The following ARHGAP10 variants were observed in gnomAD, a reference collection of about 807,000 sequenced individuals.
ARHGAP10 encodes the protein Rho GTPase activating protein 10.
A neutral mutation model predicts 108.6 loss-of-function variants in ARHGAP10; 87 were observed. The observed-to-expected ratio is 0.80, with a 90% CI of 0.67 to 0.96. The LOEUF is 0.96. ARHGAP10 is among the 40% of genes least tolerant of loss of function. The probability of loss-of-function intolerance (pLI) is 0.00; values close to 1 mark genes in which losing one functional copy is unlikely to be tolerated. For missense variants in ARHGAP10, 939 were observed against 954.5 expected (o/e 0.98, Z 0.21); for synonymous variants, 347 against 341.1 (o/e 1.02, Z -0.19).
Position 147,912,544 on chromosome 4 carries a change from AACAAATATATATATAT to A in ARHGAP10, c.1163-528_1163-513del, listed in dbSNP as rs1388528627. Reference sequence around the variant, plus strand: ...AACAAAAACAAAAAACAAACAAACAAACAAATATATATATATATATATATATATATATATATATATA... The same window carrying A: ...AACAAAAACAAAAAACAAACAAACAAATATATATATATATATATATATATA... On this transcript the variant is annotated intron_variant, in intron 12 of 22. Transcript: ENST00000336498. Among the ~76,000 whole-genome samples, 333 of 108,596 alleles carry A rather than the reference AACAAATATATATATAT, an allele frequency of 3.1e-3. 1 individual carries two copies. Among genetic ancestry groups the A allele is most frequent in the African/African-American group, 7.3e-3 (197 of 27,038 alleles). The allele number at this position is 108,596 out of a possible 152,430, so 71.2% of individuals were successfully genotyped here. A position where few individuals can be genotyped will look rare whatever the true frequency, so the allele number is the denominator to read the frequency against.
chr4:147,963,926 A>AT (rs566101425), intron 16 of ARHGAP10, among the ~76,000 whole-genome samples: 57 of 152,328 alleles, frequency 3.7e-4, no homozygotes, highest in African/African-American at 1.3e-3. Context: ...GATGCCAGTC[A>AT]TATTGGATGA....
Position 147,737,772 on chromosome 4 carries a change from G to A in ARHGAP10, c.154+5317G>A, listed in dbSNP as rs546453274. Among the ~76,000 whole-genome samples the A allele has an allele frequency of 2.6e-5, 4 of 152,256 alleles. No homozygotes were observed. The South Asian group carries it at 8.3e-4, about 32-fold the overall frequency. On this transcript the variant is annotated intron_variant, in intron 1 of 22. Coordinates refer to ENST00000336498, the MANE Select transcript of ARHGAP10 (RefSeq NM_024605.4). ...TACAATCAGACTTGAGCCAGGGTGG[G>A]GACCCAGACAGGCTTGAAAAGCTTG...
At chr4:147,798,760 T>C (rs1256162861) in intron 1 of ARHGAP10, among the ~76,000 whole-genome samples, 7 of 9,696 alleles carry the variant, frequency 7.2e-4, no homozygotes, top group Admixed American at 2.4e-3. Context: ...TCTCTCTCTC[T>C]CTCTCTCTCT....
chr4:147,803,111 C>T (rs563378325), intron 1 of ARHGAP10, among the ~76,000 whole-genome samples: 13 of 152,042 alleles, frequency 8.6e-5, no homozygotes, highest in South Asian at 6.2e-4. Flanking sequence ...TGGGTTCAAG[C>T]GATGCTCATG....
At chr4:147,762,014 T>C (rs1192899028) in intron 1 of ARHGAP10, among the ~76,000 whole-genome samples, 1 of 152,188 alleles carries the variant, frequency 6.6e-6, no homozygotes, top group Non-Finnish European at 1.5e-5. Context: ...TCTTTTTTTA[T>C]TTTTATTTTT....
intron 19 of ARHGAP10, among the ~76,000 whole-genome samples, chr4:148,038,480 A>T (rs554073794): frequency 8.3e-4 from 126 of 152,238 alleles, no homozygotes; most frequent in South Asian, 1.7e-3. Context: ...TGCCACTGTG[A>T]CTTTTACCCA....
rs1364033082 is a variant in ARHGAP10, at chr4:147,784,946, CAT to C, written c.155-37780_155-37779del. Among the ~76,000 whole-genome samples the C allele has an allele frequency of 7.0e-3, 829 of 118,762 alleles. 12 individuals carry two copies. Among genetic ancestry groups the C allele is most frequent in the African/African-American group, 0.025 (757 of 30,038 alleles). 77.9% of individuals were successfully genotyped at this position (118,762 alleles called of 152,430 possible). A position where few individuals can be genotyped will look rare whatever the true frequency, so the allele number is the denominator to read the frequency against. ...AAAATATATGTTATAAAATATAAAA[CAT>C]GTTATAAAATATATTATGAAATATG... On this transcript the variant is annotated intron_variant, in intron 1 of 22. Transcript: ENST00000336498.
At chr4:148,057,479 T>C (rs1453362944) in intron 20 of ARHGAP10, among the ~76,000 whole-genome samples, 2 of 152,232 alleles carry the variant, frequency 1.3e-5, no homozygotes, top group Non-Finnish European at 2.9e-5. Context: ...TCTGAGATGG[T>C]CTTCTCATAT....
At chr4:147,769,782 A>G (rs1327860139) in intron 1 of ARHGAP10, among the ~76,000 whole-genome samples, 3 of 152,166 alleles carry the variant, frequency 2.0e-5, no homozygotes, top group East Asian at 3.8e-4. Flanking sequence ...ATAGGATACT[A>G]TCATGGAACC....
chr4:147,919,100 T>G (rs967172098), intron 13 of ARHGAP10, among the ~76,000 whole-genome samples: 2 of 152,242 alleles, frequency 1.3e-5, no homozygotes, highest in Non-Finnish European at 2.9e-5. Flanking sequence ...ACGTTTTTAT[T>G]AAAAACTTTA....
At chr4:147,961,345 T>G (rs1310808977) in intron 16 of ARHGAP10, among the ~76,000 whole-genome samples, 1 of 152,238 alleles carries the variant, frequency 6.6e-6, no homozygotes, top group Non-Finnish European at 1.5e-5. Context: ...AAATATTTTG[T>G]GAAATTCCTG....
At position 147,939,702 on chromosome 4, in the gene ARHGAP10, T is replaced by G. The variant is rs1738096745; in HGVS notation, c.1229-123T>G. The stretch of plus-strand genomic sequence containing the variant: ...GTTAAACACTTGATTTTTTCAAAGG[T>G]TATTTTTATAGTTAACAGGAATGCT... On this transcript the variant is annotated intron_variant, in intron 13 of 22. Transcript: ENST00000336498. 3 of 857,056 alleles carry G rather than the reference T, an allele frequency of 3.5e-6. No individual in the cohort carries two copies. In the Admixed American group the frequency reaches 6.1e-5, roughly 17 times the overall value. 53.1% of individuals were successfully genotyped at this position (857,056 alleles called of 1,614,324 possible). A position where few individuals can be genotyped will look rare whatever the true frequency, so the allele number is the denominator to read the frequency against.
At chr4:147,777,352 G>A (rs13136858) in intron 1 of ARHGAP10, among the ~76,000 whole-genome samples, 114,003 of 151,204 alleles carry the variant, frequency 0.75, 48,802 homozygotes, top group Non-Finnish European at 0.94. Flanking sequence ...TCCACCTCCC[G>A]GGTTCACGCC....
At chr4:148,053,025 G>A (rs1429555121) in intron 20 of ARHGAP10, among the ~76,000 whole-genome samples, 1 of 152,150 alleles carries the variant, frequency 6.6e-6, no homozygotes, top group Non-Finnish European at 1.5e-5. Flanking sequence ...GGAGCATTTA[G>A]TATTATGGGC....
Position 148,023,284 on chromosome 4 carries a change from A to ACTACATTCCCTGAGCCCACCTGC in ARHGAP10, c.1741_1763dup (p.Ser589HisfsTer67), listed in dbSNP as rs1560879679. On this transcript the variant is annotated frameshift_variant, in exon 19 of 23. Transcript: ENST00000336498. LOFTEE classifies it high-confidence loss of function. The stretch of plus-strand genomic sequence containing the variant: ...GAAGATTTTTCGGACGCCGCCCGAT[A>ACTACATTCCCTGAGCCCACCTGC]CTACATTCCCTGAGCCCACCTGCCT... 1 of 1,614,086 alleles carries ACTACATTCCCTGAGCCCACCTGC rather than the reference A, an allele frequency of 6.2e-7. No individual in the cohort carries two copies. Among genetic ancestry groups the ACTACATTCCCTGAGCCCACCTGC allele is most frequent in the Admixed American group, 1.7e-5 (1 of 60,028 alleles).
At chr4:148,007,423 T>C (rs1341016565) in intron 18 of ARHGAP10, among the ~76,000 whole-genome samples, 1 of 152,022 alleles carries the variant, frequency 6.6e-6, no homozygotes, top group Non-Finnish European at 1.5e-5. Flanking sequence ...GGAAGAAGAG[T>C]GTGACAGGTC....
intron 18 of ARHGAP10, among the ~76,000 whole-genome samples, chr4:148,022,742 A>G (rs1391695180): frequency 2.6e-5 from 4 of 152,242 alleles, no homozygotes; most frequent in Admixed American, 6.5e-5. Flanking sequence ...AAAATCCAGA[A>G]AACATTTTAT....
At chr4:148,042,447 A>C (rs1226978923) in intron 19 of ARHGAP10, among the ~76,000 whole-genome samples, 1 of 152,118 alleles carries the variant, frequency 6.6e-6, no homozygotes, top group East Asian at 1.9e-4. Context: ...ACAAAATCCA[A>C]CAACTACTGT....
chr4:147,859,347 A>C (rs1267224333), intron 5 of ARHGAP10, among the ~76,000 whole-genome samples: 1 of 144,716 alleles, frequency 6.9e-6, no homozygotes, highest in Non-Finnish European at 1.5e-5. Context: ...ATCTTGGCTC[A>C]CTGCAACCTC....
Sources: gnomAD v4.1 joint callset for allele counts (sites outside exome capture counted in the v4.1 genomes callset) on GRCh38, gnomAD v4.1.1 for gene constraint, MANE v1.5 for transcripts, NCBI Gene and HGNC (gene_info 2026-07-23, HGNC 2026-07-21) for gene names.